BRWD1: variants seen among roughly 807,000 people sequenced by gnomAD.
The protein encoded by BRWD1 is bromodomain and WD repeat-containing protein 1.
A neutral mutation model predicts 251.2 loss-of-function variants in BRWD1; 82 were observed. The observed-to-expected ratio is 0.33, with a 90% confidence interval of 0.27 to 0.39. The LOEUF (loss-of-function observed/expected upper bound fraction) is 0.39. Ranked by LOEUF, BRWD1 falls within the 10% of genes least tolerant of loss-of-function variation. The probability of loss-of-function intolerance (pLI) is 1.00; values close to 1 mark genes in which losing one functional copy is unlikely to be tolerated. For missense variants in BRWD1, 2,233 were observed against 2,711.6 expected (o/e 0.82, Z 3.92); for synonymous variants, 918 against 902.8 (o/e 1.02, Z -0.30).
rs768846491 is a variant in BRWD1 at position 39,278,774 on chromosome 21, G to C, written c.972C>G (p.Gly324=). The C allele has an allele frequency of 6.3e-7, 1 of 1,594,334 alleles. No individual in the cohort carries two copies. Among genetic ancestry groups the C allele is most frequent in the Non-Finnish European group, 8.5e-7 (1 of 1,172,834 alleles). ...TAAAAGAAGAACAAAGCATTTGAAC[G>C]CCTGGCCTAGGCTTTTCAGTGAACT... ...PLKFTEKPRP[G]VQMLCSSFSV... The change falls in exon 10 of 41, where the codon GGC becomes GGG. Residue 324 remains glycine (G), a synonymous_variant. Coordinates refer to ENST00000342449, the MANE Select transcript of BRWD1 (RefSeq NM_033656.4).
Position 39,187,412 on chromosome 21 carries a change from C to G in BRWD1, c.*8847G>C. On this transcript the variant is annotated 3_prime_UTR_variant, in exon 41 of 41. Transcript: ENST00000342449. ...GTATTGGGTTCTCTGTCTCTAGGAA[C>G]AAATTCTGAAAAATGAGTGAAAGTT... The G allele has an allele frequency of 6.5e-7, 1 of 1,546,040 alleles. No individual in the cohort carries two copies. The highest frequency in any genetic ancestry group is 8.7e-7 in the Non-Finnish European group (1 of 1,149,928).
In BRWD1 at chr21:39,193,047, T is replaced by C. The variant is rs2031635148; in HGVS notation, c.*3212A>G. ...GGGCTTAGTGATGCATCTTATTCTT[T>C]ACTTTTGGACAGTAACACCCTCAGA... On this transcript the variant is annotated 3_prime_UTR_variant, in exon 41 of 41. Coordinates refer to ENST00000342449, the MANE Select transcript of BRWD1 (RefSeq NM_033656.4). The C allele has an allele frequency of 3.0e-6, 3 of 985,220 alleles. No individual in the cohort carries two copies. Among genetic ancestry groups the C allele is most frequent in the Admixed American group, 1.2e-4 (2 of 16,258 alleles). The allele number at this position is 985,220 out of a possible 1,614,324, so 61.0% of individuals were successfully genotyped here.
chr21:39,265,121 G>T, intron 15 of BRWD1, 102 bp from the exon 16 acceptor site: 25 of 822,134 alleles, frequency 3.0e-5, no homozygotes, highest in Non-Finnish European at 3.9e-5. Context: ...TATCCCTTCT[G>T]AAAAAAAAAA....
chr21:39,184,547 G>A (rs930698249), downstream of BRWD1: 8 of 152,190 alleles, frequency 5.3e-5, no homozygotes, highest in African/African-American at 1.9e-4. Context: ...TTTGTCAGTA[G>A]TCACGAAGGT....
At chr21:39,231,798 T>C (rs2033626426) in intron 25 of BRWD1, among the ~76,000 whole-genome samples, 1 of 152,250 alleles carries the variant, frequency 6.6e-6, no homozygotes, top group Non-Finnish European at 1.5e-5. Flanking sequence ...ATTATTTCCT[T>C]ATTTTATTAT....
intron 13 of BRWD1, among the ~76,000 whole-genome samples, chr21:39,274,061 G>C (rs1227398045): frequency 6.6e-6 from 1 of 152,088 alleles, no homozygotes; most frequent in African/African-American, 2.4e-5. Context: ...TAACGTACTT[G>C]AGTTAATTTT....
At position 39,295,175 on chromosome 21, in the gene BRWD1, GTTTTTTTTTTTTTTTTTT is replaced by G. The variant is rs869129436; in HGVS notation, c.609+550_609+567del. On this transcript the variant is annotated intron_variant, in intron 7 of 40. Transcript: ENST00000342449. ...GAGGGAAAGTGTTAGGTATGTCTAT[GTTTTTTTTTTTTTTTTTT>G]TTTTTTTTTTTGAGACGGAATCTCG... is the stretch of plus-strand genomic sequence containing the variant. 4.9e-3 allele frequency among the ~76,000 whole-genome samples: 318 copies of G among 64,738 alleles called. 1 individual carries two copies. Among genetic ancestry groups the G allele is most frequent in the African/African-American group, 0.016 (308 of 19,196 alleles). The allele number at this position is 64,738 out of a possible 152,430, so 42.5% of individuals were successfully genotyped here. A position where few individuals can be genotyped will look rare whatever the true frequency, so the allele number is the denominator to read the frequency against.
rs2036595452 is a variant in BRWD1, at chr21:39,313,553, G to A, written c.-62C>T. 1.9e-5 allele frequency: 24 copies of A among 1,259,542 alleles called. No individual in the cohort carries two copies. The highest frequency in any genetic ancestry group is 2.2e-5 in the Non-Finnish European group (22 of 997,390). 78.0% of individuals were successfully genotyped at this position (1,259,542 alleles called of 1,614,324 possible). A position where few individuals can be genotyped will look rare whatever the true frequency, so the allele number is the denominator to read the frequency against. The stretch of plus-strand genomic sequence containing the variant: ...GAGCGGAGCGTGTAGGCCGCGCCGA[G>A]GCCTGACCGGGCTGGCGTCCCCTCT... On this transcript the variant is annotated 5_prime_UTR_variant, in exon 1 of 41. Coordinates refer to ENST00000342449, the MANE Select transcript of BRWD1 (RefSeq NM_033656.4).
At chr21:39,266,154 G>C (rs1372220519) in intron 15 of BRWD1, among the ~76,000 whole-genome samples, 1 of 152,118 alleles carries the variant, frequency 6.6e-6, no homozygotes, top group Non-Finnish European at 1.5e-5. Context: ...TGCTTGAATA[G>C]TGATACTTCA....
At chr21:39,285,871 C>CAA (rs113834787) in intron 8 of BRWD1, among the ~76,000 whole-genome samples, 2,965 of 101,378 alleles carry the variant, frequency 0.029, 119 homozygotes, top group South Asian at 0.049. Flanking sequence ...GCCCAGTCAA[C>CAA]AAAAAAAAAA....
In BRWD1 at chr21:39,236,797, A is replaced by T; in HGVS notation, c.2577-13T>A. ...AGATGAAGAGTCACTAGAAAAGGGG[A>T]GTGCTTTCAGTTGAATGGAGCCAGA... On this transcript the variant is annotated splice_polypyrimidine_tract_variant and intron_variant, in intron 22 of 40. Coordinates refer to ENST00000342449, the MANE Select transcript of BRWD1 (RefSeq NM_033656.4). 1.9e-6 allele frequency: 3 copies of T among 1,608,332 alleles called. No individual in the cohort carries two copies. The highest frequency in any genetic ancestry group is 2.5e-6 in the Non-Finnish European group (3 of 1,177,332).
intron 31 of BRWD1, 79 bp downstream of exon 31, chr21:39,218,073 C>T: frequency 1.4e-6 from 2 of 1,399,638 alleles, no homozygotes; most frequent in Non-Finnish European, 1.9e-6. Flanking sequence ...AATTCTACCA[C>T]TATCTCTTTC....
At position 39,195,750 on chromosome 21, in the gene BRWD1, A is replaced by T; in HGVS notation, c.*509T>A. 10 of 985,572 alleles carry T rather than the reference A, an allele frequency of 1.0e-5. No homozygotes were observed. Among genetic ancestry groups the T allele is most frequent in the Non-Finnish European group, 1.2e-5 (10 of 829,790 alleles). 61.1% of individuals were successfully genotyped at this position (985,572 alleles called of 1,614,324 possible). A position where few individuals can be genotyped will look rare whatever the true frequency, so the allele number is the denominator to read the frequency against. On this transcript the variant is annotated 3_prime_UTR_variant, in exon 41 of 41. Coordinates refer to ENST00000342449, the MANE Select transcript of BRWD1 (RefSeq NM_033656.4). ...TCAAGTAGCCAGGGGAAGAAAAAAA[A>T]AAAAGTGGTAGGTACCTCGCCTACT...
chr21:39,245,577 T>C (rs908809467), intron 21 of BRWD1, among the ~76,000 whole-genome samples: 2 of 149,380 alleles, frequency 1.3e-5, no homozygotes, highest in African/African-American at 4.9e-5. Context: ...TTTAACACTG[T>C]AGTATTAAAT....
At chr21:39,306,814 T>C (rs1027972793) in intron 4 of BRWD1, among the ~76,000 whole-genome samples, 1 of 152,210 alleles carries the variant, frequency 6.6e-6, no homozygotes, top group African/African-American at 2.4e-5. Context: ...AACAAATAGT[T>C]ACTTTTATTC....
chr21:39,194,081 G>A lies in BRWD1; in HGVS notation c.*2178C>T. The A allele has an allele frequency of 1.0e-6, 1 of 985,410 alleles. No individual in the cohort carries two copies. The highest frequency in any genetic ancestry group is 1.2e-6 in the Non-Finnish European group (1 of 829,710). 61.0% of individuals were successfully genotyped at this position (985,410 alleles called of 1,614,324 possible). ...GATTAAAAACCAAAATACCACTTCTGTATGCAAGGGTCTAACTATTTTGGA... is the reference window on the plus strand; with the variant it reads ...GATTAAAAACCAAAATACCACTTCTATATGCAAGGGTCTAACTATTTTGGA... On this transcript the variant is annotated 3_prime_UTR_variant, in exon 41 of 41. Coordinates refer to ENST00000342449, the MANE Select transcript of BRWD1 (RefSeq NM_033656.4).
intron 8 of BRWD1, among the ~76,000 whole-genome samples, chr21:39,281,066 G>A (rs7354783): frequency 0.3 from 46,264 of 151,990 alleles, 7,508 homozygotes; most frequent in Middle Eastern, 0.36. Flanking sequence ...GTTCAAAAGC[G>A]AGGGGGAATA....
At position 39,192,042 on chromosome 21, in the gene BRWD1, A is replaced by T. The variant is rs1214626875; in HGVS notation, c.*4217T>A. ...TGTGACTCTCCCCCTCCCTCCATCA[A>T]ATCTAGAAAAGCAATTCTTGAGCAG... is the stretch of plus-strand genomic sequence containing the variant. On this transcript the variant is annotated 3_prime_UTR_variant, in exon 41 of 41. Coordinates refer to ENST00000342449, the MANE Select transcript of BRWD1 (RefSeq NM_033656.4). 1 of 984,944 alleles carries T rather than the reference A, an allele frequency of 1.0e-6. No individual in the cohort carries two copies. Among genetic ancestry groups the T allele is most frequent in the Non-Finnish European group, 1.2e-6 (1 of 829,686 alleles). The allele number at this position is 984,944 out of a possible 1,614,324, so 61.0% of individuals were successfully genotyped here. A position where few individuals can be genotyped will look rare whatever the true frequency, so the allele number is the denominator to read the frequency against.
chr21:39,274,298 A>AGAGC (rs774745569), intron 13 of BRWD1, 76 bp downstream of exon 13: 578 of 1,027,440 alleles, frequency 5.6e-4, no homozygotes, highest in South Asian at 1.2e-3. Context: ...TGAGAGACAC[A>AGAGC]GAGAGCGAGA....
Sources: gnomAD v4.1 joint callset for allele counts (sites outside exome capture counted in the v4.1 genomes callset) on GRCh38, gnomAD v4.1.1 for gene constraint, MANE v1.5 for transcripts, NCBI Gene and HGNC (gene_info 2026-07-23, HGNC 2026-07-21) for gene names.